The following DMD variants were observed in gnomAD, a reference collection of about 807,000 sequenced individuals.
The protein encoded by DMD is mutant dystrophin.
DMD carries 63 observed loss-of-function variants against 330.1 expected under a neutral mutation model. The ratio of observed to expected loss-of-function variants is 0.19; its 90% CI spans 0.16 to 0.24. DMD has a LOEUF of 0.24. Ranked by LOEUF, DMD falls within the 10% of genes least tolerant of loss-of-function variation. The probability of loss-of-function intolerance (pLI) is 1.00; values close to 1 mark genes in which losing one functional copy is unlikely to be tolerated. For missense variants in DMD, 3,344 were observed against 2,684.1 expected (o/e 1.25, Z -5.43); for synonymous variants, 1,223 against 959.8 (o/e 1.27, Z -5.07).
intron 41 of DMD, among the ~76,000 whole-genome samples, chrX:32,326,960 T>TA (rs1381116760): frequency 9.1e-6 from 1 of 110,091 alleles, no homozygotes; most frequent in Non-Finnish European, 1.9e-5. Context: ...TTGAAATAAT[T>TA]AAATTATCCA....
chrX:31,388,059 G>A (rs2060527711), intron 60 of DMD, among the ~76,000 whole-genome samples: 2 of 106,825 alleles, frequency 1.9e-5, no homozygotes, highest in Non-Finnish European at 1.9e-5. Context: ...GAGTGCAGTG[G>A]CACGATCTCG....
chrX:33,247,160 G>A (rs1299514353), intron 1 of DMD, among the ~76,000 whole-genome samples: 2 of 111,696 alleles, frequency 1.8e-5, no homozygotes, highest in Non-Finnish European at 3.8e-5. Flanking sequence ...CAATACTCAA[G>A]TCACATCACA....
At chrX:31,212,927 G>A (rs2044904337) in intron 64 of DMD, among the ~76,000 whole-genome samples, 1 of 112,400 alleles carries the variant, frequency 8.9e-6, no homozygotes, top group Admixed American at 9.4e-5. Flanking sequence ...AAGTCTCATG[G>A]TGCCCATATA....
chrX:31,902,991 A>G, intron 47 of DMD, among the ~76,000 whole-genome samples: 1 of 111,433 alleles, frequency 9.0e-6, no homozygotes, highest in Non-Finnish European at 1.9e-5. Flanking sequence ...TCACAGAGAC[A>G]ATTGTCCCTA....
At chrX:33,271,500 C>T (rs1321306532) in intron 1 of DMD, among the ~76,000 whole-genome samples, 1 of 111,570 alleles carries the variant, frequency 9.0e-6, no homozygotes, top group Non-Finnish European at 1.9e-5. Context: ...GGCGCGGTGG[C>T]TCATGCCTGT....
chrX:31,535,853 A>G (rs2073356034), intron 55 of DMD, among the ~76,000 whole-genome samples: 1 of 111,933 alleles, frequency 8.9e-6, no homozygotes, highest in African/African-American at 3.2e-5. Flanking sequence ...GTTTTCTGTT[A>G]TAAAAGAATG....
chrX:31,156,466 T>G (rs1025611581), intron 74 of DMD, among the ~76,000 whole-genome samples: 6 of 112,078 alleles, frequency 5.4e-5, no homozygotes, highest in Admixed American at 3.8e-4. Context: ...CCTTTCACCA[T>G]CCATGGCTGA....
At chrX:31,716,466 G>A (rs751642447) in intron 52 of DMD, among the ~76,000 whole-genome samples, 3 of 111,200 alleles carry the variant, frequency 2.7e-5, no homozygotes, top group African/African-American at 9.8e-5. Context: ...CAGGAGAATC[G>A]CTTGAACCCA....
chrX:32,938,305 A>G (rs2090159741), intron 2 of DMD, among the ~76,000 whole-genome samples: 1 of 111,818 alleles, frequency 8.9e-6, no homozygotes. Context: ...CAAAGGAGTA[A>G]AAATATGAGC....
At chrX:32,554,874 G>A (rs1463406823) in intron 16 of DMD, among the ~76,000 whole-genome samples, 3 of 43,146 alleles carry the variant, frequency 7.0e-5, no homozygotes, top group African/African-American at 7.1e-5. Flanking sequence ...GAGAGAGAAG[G>A]AAAGAAGAAA....
chrX:32,777,277 T>TGGGGGTGGGGGGTTGGG (rs1557019832), intron 7 of DMD, among the ~76,000 whole-genome samples: 1 of 2,111 alleles, frequency 4.7e-4, no homozygotes, highest in Non-Finnish European at 7.0e-4. Context: ...GGTTTCTGGT[T>TGGGGGTGGGGGGTTGGG]GGGGGGGGAA....
intron 7 of DMD, among the ~76,000 whole-genome samples, chrX:32,778,202 G>A (rs993608382): frequency 9.6e-6 from 1 of 104,197 alleles, no homozygotes; most frequent in Non-Finnish European, 2.0e-5. Context: ...AAACAGTAGG[G>A]ATTTCTACTG....
intron 52 of DMD, among the ~76,000 whole-genome samples, chrX:31,712,613 GACT>G (rs10563492): frequency 0.15 from 16,871 of 110,946 alleles, 1,137 homozygotes; most frequent in Admixed American, 0.31. Flanking sequence ...CTAAAAAACT[GACT>G]ACATTACCTT....
intron 11 of DMD, among the ~76,000 whole-genome samples, chrX:32,615,409 T>G (rs12559294): frequency 0.059 from 6,520 of 111,057 alleles, 194 homozygotes; most frequent in African/African-American, 0.11. Flanking sequence ...GATAATGTTT[T>G]GCCTATTAAT....
intron 9 of DMD, among the ~76,000 whole-genome samples, chrX:32,688,438 T>G (rs765766227): frequency 8.9e-6 from 1 of 112,379 alleles, no homozygotes; most frequent in African/African-American, 3.2e-5. Context: ...AAGATTACAT[T>G]ATCATTTATA....
chrX:32,686,264 A>C (rs1333637798), intron 9 of DMD, among the ~76,000 whole-genome samples: 6 of 111,870 alleles, frequency 5.4e-5, no homozygotes, highest in East Asian at 2.8e-4. Flanking sequence ...ATTTTAAGGA[A>C]TATATCTGTA....
intron 60 of DMD, among the ~76,000 whole-genome samples, chrX:31,415,688 ATCCTTCC>A: frequency 9.0e-6 from 1 of 111,574 alleles, no homozygotes; most frequent in South Asian, 3.8e-4. Context: ...GTTTACCAAT[ATCCTTCC>A]TCATTCCTGG....
Position 33,295,054 on chromosome X carries a change from G to C in DMD, c.7+44205C>G, listed in dbSNP as rs186763173. Among the ~76,000 whole-genome samples the C allele has an allele frequency of 2.8e-3, 307 of 111,324 alleles. 1 individual carries two copies. Among genetic ancestry groups the C allele is most frequent in the African/African-American group, 9.7e-3 (298 of 30,807 alleles). ...ACTTTGAAATTAAAGATTTACTATG[G>C]ATTGTGAAAGCTGAATGCTAAATCT... On this transcript the variant is annotated intron_variant, in intron 1 of 17. Coordinates refer to the DMD transcript ENST00000288447.
At chrX:33,114,115 T>A (rs113458939) in intron 1 of DMD, among the ~76,000 whole-genome samples, 4,633 of 107,658 alleles carry the variant, frequency 0.043, 157 homozygotes, top group African/African-American at 0.11. Flanking sequence ...TATTATTATT[T>A]TTTTTTTTTT....
Sources: gnomAD v4.1 joint callset for allele counts (sites outside exome capture counted in the v4.1 genomes callset) on GRCh38, gnomAD v4.1.1 for gene constraint, MANE v1.5 for transcripts, NCBI Gene and HGNC (gene_info 2026-07-23, HGNC 2026-07-21) for gene names.